DPH6: variants seen among roughly 807,000 people sequenced by gnomAD.
The protein encoded by DPH6 is diphthine--ammonia ligase.
A neutral mutation model predicts 38.2 loss-of-function variants in DPH6; 33 were observed. That is an observed-to-expected ratio of 0.86 (90% CI 0.65 to 1.15). The LOEUF (loss-of-function observed/expected upper bound fraction) is 1.15, where lower values mean the gene tolerates loss of function less well. DPH6 is among the 50% of genes most tolerant of loss of function. The probability of loss-of-function intolerance (pLI) is 0.00; values close to 1 mark genes in which losing one functional copy is unlikely to be tolerated. For missense variants in DPH6, 325 were observed against 320.0 expected (o/e 1.02, Z -0.12); for synonymous variants, 108 against 103.0 (o/e 1.05, Z -0.30).
the DPH6 span, among the ~76,000 whole-genome samples, chr15:35,190,827 T>C: frequency 1.3e-5 from 2 of 152,242 alleles, no homozygotes; most frequent in East Asian, 1.9e-4. Flanking sequence ...ACTTGGAGGA[T>C]AGAAACAAGA....
intron 3 of DPH6, among the ~76,000 whole-genome samples, chr15:35,361,522 T>C (rs1398420199): frequency 1.3e-5 from 2 of 152,034 alleles, no homozygotes; most frequent in East Asian, 1.9e-4. Context: ...CTTTTTTTTT[T>C]TCCCTCTCTT....
chr15:35,275,204 C>T (rs142917195), intron 3 of DPH6, among the ~76,000 whole-genome samples: 174 of 152,234 alleles, frequency 1.1e-3, no homozygotes, highest in African/African-American at 4.0e-3. Context: ...CTTGAGCCAC[C>T]GCGCCTGGCT....
At chr15:35,517,164 A>C (rs770310535) in intron 3 of DPH6, among the ~76,000 whole-genome samples, 1 of 152,086 alleles carries the variant, frequency 6.6e-6, no homozygotes, top group Non-Finnish European at 1.5e-5. Flanking sequence ...AATTTAAAGA[A>C]GAATTTTTTT....
intron 3 of DPH6, among the ~76,000 whole-genome samples, chr15:35,359,724 G>T (rs1204501599): frequency 1.3e-5 from 2 of 152,144 alleles, no homozygotes; most frequent in Non-Finnish European, 2.9e-5. Context: ...TTTGGGCGGG[G>T]GGACTCCTGG....
At chr15:35,198,540 A>T in the DPH6 span, among the ~76,000 whole-genome samples, 1 of 152,340 alleles carries the variant, frequency 6.6e-6, no homozygotes, top group Non-Finnish European at 1.5e-5. Flanking sequence ...AAAATTATTC[A>T]TTTATTCTAC....
chr15:35,276,022 A>G (rs1455911571), intron 3 of DPH6, among the ~76,000 whole-genome samples: 1 of 152,204 alleles, frequency 6.6e-6, no homozygotes, highest in African/African-American at 2.4e-5. Context: ...AGGAATCTCC[A>G]CACTGTTTTC....
At chr15:35,472,989 G>C (rs1435643737) in intron 3 of DPH6, among the ~76,000 whole-genome samples, 1 of 151,628 alleles carries the variant, frequency 6.6e-6, no homozygotes, top group East Asian at 1.9e-4. Context: ...AGTAATTGAG[G>C]GCTACCACCT....
At chr15:35,483,177 C>A (rs186431126) in intron 3 of DPH6, among the ~76,000 whole-genome samples, 1 of 151,964 alleles carries the variant, frequency 6.6e-6, no homozygotes, top group East Asian at 1.9e-4. Context: ...ATTAAAACCA[C>A]AATGAGGCTT....
At chr15:35,470,311 G>C (rs1479135321) in intron 3 of DPH6, among the ~76,000 whole-genome samples, 3 of 152,104 alleles carry the variant, frequency 2.0e-5, no homozygotes, top group Admixed American at 2.0e-4. Context: ...GGTCAAAGAG[G>C]TTTTAAAGCG....
chr15:35,207,936 T>C, the DPH6 span, among the ~76,000 whole-genome samples: 1 of 152,202 alleles, frequency 6.6e-6, no homozygotes, highest in Non-Finnish European at 1.5e-5. Flanking sequence ...TGAGTATAGT[T>C]GGCATGCCTA....
chr15:35,434,322 C>T (rs1243148809), intron 5 of DPH6, among the ~76,000 whole-genome samples: 1 of 152,088 alleles, frequency 6.6e-6, no homozygotes, highest in East Asian at 1.9e-4. Flanking sequence ...ATTTAAAGAA[C>T]ACCTTTGAAA....
chr15:35,392,659 C>G (rs2053076403), intron 6 of DPH6, among the ~76,000 whole-genome samples: 1 of 152,066 alleles, frequency 6.6e-6, no homozygotes, highest in Admixed American at 6.6e-5. Flanking sequence ...CTTGTATAGA[C>G]CAAAATTTAA....
At chr15:35,227,737 C>CT (rs1015344180) in intron 3 of DPH6, among the ~76,000 whole-genome samples, 6 of 150,420 alleles carry the variant, frequency 4.0e-5, no homozygotes, top group East Asian at 2.0e-4. Context: ...GGTTTTTCAT[C>CT]TTTTTTTTGA....
chr15:35,349,740 G>A (rs2052494031), intron 3 of DPH6, among the ~76,000 whole-genome samples: 1 of 151,896 alleles, frequency 6.6e-6, no homozygotes, highest in African/African-American at 2.4e-5. Context: ...TGGCCTATGT[G>A]GTTTTTGTCC....
intron 3 of DPH6, among the ~76,000 whole-genome samples, chr15:35,481,679 G>T (rs1409160264): frequency 6.6e-6 from 1 of 151,932 alleles, no homozygotes; most frequent in Non-Finnish European, 1.5e-5. Context: ...ATAAGACCTG[G>T]GATTTGCTTC....
chr15:35,268,062 C>T (rs1192677937), intron 3 of DPH6, among the ~76,000 whole-genome samples: 1 of 151,716 alleles, frequency 6.6e-6, no homozygotes, highest in Non-Finnish European at 1.5e-5. Context: ...CCCTGCTACT[C>T]GGGAGGCTGA....
intron 6 of DPH6, among the ~76,000 whole-genome samples, chr15:35,408,504 T>C (rs1303657400): frequency 1.3e-5 from 2 of 151,906 alleles, no homozygotes; most frequent in East Asian, 3.9e-4. Flanking sequence ...CTGATAAATA[T>C]GGACCAGAAA....
intron 3 of DPH6, among the ~76,000 whole-genome samples, chr15:35,523,546 A>C (rs1158068532): frequency 6.6e-6 from 1 of 151,974 alleles, no homozygotes; most frequent in East Asian, 1.9e-4. Flanking sequence ...TAAAAACTGA[A>C]CTGGGATTGC....
chr15:35,237,496 T>A (rs1402992007), intron 3 of DPH6: 1 of 1,570,066 alleles, frequency 6.4e-7, no homozygotes, highest in South Asian at 1.1e-5. Flanking sequence ...TCACCTCAAC[T>A]GCAAACTTAC....
Sources: allele counts gnomAD v4.1 joint callset (sites outside exome capture counted in the v4.1 genomes callset), GRCh38; gene constraint gnomAD v4.1.1; transcripts MANE v1.5; gene names NCBI Gene and HGNC (gene_info 2026-07-23, HGNC 2026-07-21).